SREBF1: variants seen among roughly 807,000 people sequenced by gnomAD.
The protein encoded by SREBF1 is sterol regulatory element-binding protein 1.
A neutral mutation model predicts 100.1 loss-of-function variants in SREBF1; 45 were observed. The ratio of observed to expected loss-of-function variants is 0.45; its 90% confidence interval spans 0.35 to 0.58. SREBF1 has a LOEUF of 0.58. Ranked by LOEUF, SREBF1 falls within the 20% of genes least tolerant of loss-of-function variation. The pLI is 0.00. For synonymous variants in SREBF1, 657 were observed against 681.8 expected (o/e 0.96, Z 0.57); for missense variants, 1,324 against 1,539.4 (o/e 0.86, Z 2.34).
chr17:17,812,489 G>C lies in SREBF1; in HGVS notation c.*133C>G. ...GGGCCTTCCACCGCGAAGGCACACA[G>C]CAGCCGCAGGTCGAACTGTGGAGGC... On this transcript the variant is annotated 3_prime_UTR_variant, in exon 19 of 19. Transcript: ENST00000261646. 2.1e-6 allele frequency: 2 copies of C among 939,144 alleles called. No individual in the cohort carries two copies. The highest frequency in any genetic ancestry group is 3.2e-5 in the South Asian group (2 of 62,282). The allele number at this position is 939,144 out of a possible 1,614,324, so 58.2% of individuals were successfully genotyped here.
At position 17,816,269 on chromosome 17, in the gene SREBF1, T is replaced by A. The variant is rs745341275; in HGVS notation, c.2152A>T (p.Ile718Phe). Reference protein sequence around the residue: ...DAVSVATLAEIYVAAALRVKT... With the variant: ...DAVSVATLAEFYVAAALRVKT... ...ACTCTCAATGCAGCCGCCACATAGA[T>A]CTCGGCCAGCGTCGCCACAGACACG... The change falls in exon 11 of 19, where the codon ATC (isoleucine) becomes TTC (phenylalanine). Residue 718 changes from isoleucine to phenylalanine, a missense_variant. Ile to Phe is a conservative substitution (Grantham distance 21). Coordinates refer to ENST00000261646, the MANE Select transcript of SREBF1 (RefSeq NM_004176.5). The A allele has an allele frequency of 2.2e-6, 3 of 1,343,400 alleles. No homozygotes were observed. The highest frequency in any genetic ancestry group is 3.4e-5 in the East Asian group (1 of 29,482). 83.2% of individuals were successfully genotyped at this position (1,343,400 alleles called of 1,614,324 possible).
chr17:17,813,068 C>CA (rs887342502), intron 18 of SREBF1: 1 of 602,354 alleles, frequency 1.7e-6, no homozygotes, highest in African/African-American at 1.9e-5. Context: ...CCACAAATGA[C>CA]AGTCACCCCA....
intron 1 of SREBF1, among the ~76,000 whole-genome samples, chr17:17,827,246 C>T (rs531610965): frequency 1.0e-3 from 154 of 152,306 alleles, no homozygotes; most frequent in African/African-American, 3.6e-3. Context: ...GCCAAGGACC[C>T]CAATTCTCCA....
intron 1 of SREBF1, among the ~76,000 whole-genome samples, chr17:17,832,614 G>A (rs913650808): frequency 2.0e-5 from 3 of 152,220 alleles, no homozygotes; most frequent in Non-Finnish European, 4.4e-5. Context: ...ACACAGTGAG[G>A]ATCCGGGCAA....
chr17:17,821,935 G>A (rs1228874303), intron 1 of SREBF1, among the ~76,000 whole-genome samples: 1 of 152,254 alleles, frequency 6.6e-6, no homozygotes, highest in Non-Finnish European at 1.5e-5. Context: ...AGCTGAGAGG[G>A]TGATGTGATC....
Position 17,820,258 on chromosome 17 carries a change from CA to C in SREBF1, c.354del (p.Pro120LeufsTer10). The C allele has an allele frequency of 1.2e-6, 2 of 1,613,858 alleles. No homozygotes were observed. Among genetic ancestry groups the C allele is most frequent in the Non-Finnish European group, 8.5e-7 (1 of 1,179,988 alleles). On this transcript the variant is annotated frameshift_variant, in exon 2 of 19. Transcript: ENST00000261646. LOFTEE classifies it high-confidence loss of function. Reference protein sequence around the residue: ...KMYPSMPAFSPGPGIKEESVP... With the variant: ...KMYPSMPAFSXGPGIKEESVP... ...ACTGACTCTTCCTTGATACCAGGCC[CA>C]GGGGAGAAAGCGGGCATGGACGGGT... is the stretch of plus-strand genomic sequence containing the variant.
rs2032853061 is a variant in SREBF1 at position 17,811,625 on chromosome 17, G to T, written c.*997C>A. The T allele has an allele frequency of 4.7e-6, 2 of 428,594 alleles. No homozygotes were observed. The highest frequency in any genetic ancestry group is 2.1e-5 in the African/African-American group (1 of 47,524). The allele number at this position is 428,594 out of a possible 1,614,324, so 26.5% of individuals were successfully genotyped here. A position where few individuals can be genotyped will look rare whatever the true frequency, so the allele number is the denominator to read the frequency against. On this transcript the variant is annotated 3_prime_UTR_variant, in exon 19 of 19. Transcript: ENST00000261646. ...CCCTGTGCCCCCTCTCCAGTGTGGC[G>T]GCAGGTCGGGAGGGAGGAGGCTTCT...
chr17:17,814,314 G>C lies in SREBF1; in HGVS notation c.2832C>G (p.Ile944Met). The C allele has an allele frequency of 1.3e-6, 2 of 1,597,808 alleles. No individual in the cohort carries two copies. The highest frequency in any genetic ancestry group is 1.7e-6 in the Non-Finnish European group (2 of 1,172,778). Residue 944 changes from isoleucine (I) to methionine (M), a missense_variant, in exon 16 of 19, where the codon ATC becomes ATG. Transcript: ENST00000261646. ...GCAGGTACCCACTGGCCTTCTCACA[G>C]ATGGTCAGGCTGGCTGGACCAGACT... is the stretch of plus-strand genomic sequence containing the variant. Reference protein sequence around the residue: ...KAESGPASLTICEKASGYLQD... With the variant: ...KAESGPASLTMCEKASGYLQD...
rs1318636586 is a variant in SREBF1 at position 17,814,827 on chromosome 17, G to A, written c.2602+8C>T. On this transcript the variant is annotated splice_region_variant and intron_variant, in intron 14 of 18. Coordinates refer to ENST00000261646, the MANE Select transcript of SREBF1 (RefSeq NM_004176.5). ...AGAAGGGAGCCAGGACAGGGGCCGG[G>A]GACTCACCGGTGGTGGTGGCCATGC... 1.3e-6 allele frequency: 2 copies of A among 1,599,934 alleles called. No individual in the cohort carries two copies. Among genetic ancestry groups the A allele is most frequent in the African/African-American group, 1.3e-5 (1 of 74,760 alleles).
chr17:17,813,822 C>T (rs1346307843), intron 16 of SREBF1, 53 bp from the exon 17 acceptor site: 24 of 1,512,936 alleles, frequency 1.6e-5, no homozygotes, highest in Non-Finnish European at 2.0e-5. Context: ...CTGGGAGGGG[C>T]AGGATGGGGG....
At position 17,823,617 on chromosome 17, in the gene SREBF1, C is replaced by T. The variant is rs769315699; in HGVS notation, c.92-3096G>A. ...CCCGCGCCGACTTCACCTGTCAAGG[C>T]GCGGCGGATTTTTGAAGCCGTTGAG... On this transcript the variant is annotated intron_variant, in intron 1 of 18. Transcript: ENST00000261646. 8 of 1,606,936 alleles carry T rather than the reference C, an allele frequency of 5.0e-6. No homozygotes were observed. The African/African-American group carries it at 5.4e-5, about 11-fold the overall frequency.
intron 1 of SREBF1, among the ~76,000 whole-genome samples, chr17:17,835,713 C>CA (rs1176533768): frequency 6.6e-6 from 1 of 152,268 alleles, no homozygotes; most frequent in Admixed American, 6.5e-5. Context: ...AAAATGGAAG[C>CA]AACGGGCCTC....
intron 1 of SREBF1, 80 bp downstream of exon 1, chr17:17,836,647 G>T: frequency 7.1e-7 from 1 of 1,416,148 alleles, no homozygotes; most frequent in Non-Finnish European, 9.6e-7. Context: ...CCGTGGGGGA[G>T]ACAAAGGCCA....
At position 17,812,220 on chromosome 17, in the gene SREBF1, G is replaced by A. The variant is rs2032945418; in HGVS notation, c.*402C>T. The A allele has an allele frequency of 2.5e-6, 1 of 394,726 alleles. No individual in the cohort carries two copies. Among genetic ancestry groups the A allele is most frequent in the Non-Finnish European group, 4.7e-6 (1 of 213,950 alleles). The allele number at this position is 394,726 out of a possible 1,614,324, so 24.5% of individuals were successfully genotyped here. ...CACTATGTACACGTCTCTCTCCCAC[G>A]ACGGAGAGAGAGGCCTCTGGGGCAG... is the stretch of plus-strand genomic sequence containing the variant. On this transcript the variant is annotated 3_prime_UTR_variant, in exon 19 of 19. Coordinates refer to ENST00000261646, the MANE Select transcript of SREBF1 (RefSeq NM_004176.5).
chr17:17,819,941 CT>C (rs2033963800), intron 2 of SREBF1, 148 bp downstream of exon 2: 1 of 1,139,486 alleles, frequency 8.8e-7, no homozygotes, highest in Admixed American at 2.8e-5. Flanking sequence ...CACACCAGGA[CT>C]GCTAGTAACA....
chr17:17,818,916 C>T (rs2033863420), intron 5 of SREBF1, 97 bp downstream of exon 5: 1 of 1,406,430 alleles, frequency 7.1e-7, no homozygotes, highest in African/African-American at 1.4e-5. Context: ...CCCTGCTTGT[C>T]CAGGCTCAGT....
chr17:17,833,705 G>A (rs368528000), intron 1 of SREBF1, among the ~76,000 whole-genome samples: 1 of 151,924 alleles, frequency 6.6e-6, no homozygotes, highest in Admixed American at 6.6e-5. Flanking sequence ...GATGAAGGCC[G>A]GGCATGGTGG....
At position 17,817,892 on chromosome 17, in the gene SREBF1, G is replaced by C. The variant is rs1172002471; in HGVS notation, c.1208C>G (p.Ala403Gly). The change falls in exon 7 of 19, where the codon GCC becomes GGC. Residue 403 changes from alanine (A) to glycine (G), a missense_variant. By Grantham distance (60) the Ala-to-Gly change is moderately conservative. Coordinates refer to ENST00000261646, the MANE Select transcript of SREBF1 (RefSeq NM_004176.5). This position sits in a 1 kb window ranked among gnomAD's most constrained non-coding sequence, Gnocchi z 6.6. ...GTCTGTGTTCCCTCCACTGCCACAGGCCGACACCAGATCCTTCAGAGATTC... is the reference window on the plus strand; with the variant it reads ...GTCTGTGTTCCCTCCACTGCCACAGCCCGACACCAGATCCTTCAGAGATTC... ...KSKSLKDLVS[A>G]CGSGGNTDVL... 10 of 1,601,754 alleles carry C rather than the reference G, an allele frequency of 6.2e-6. No homozygotes were observed. The highest frequency in any genetic ancestry group is 1.3e-5 in the African/African-American group (1 of 74,884).
rs1451900313 is a variant in SREBF1, at chr17:17,817,149, G to C, written c.1607-13C>G. On this transcript the variant is annotated splice_polypyrimidine_tract_variant and intron_variant, in intron 8 of 18. Coordinates refer to ENST00000261646, the MANE Select transcript of SREBF1 (RefSeq NM_004176.5). The surrounding 1 kb of genome is among the most constrained non-coding windows in gnomAD (Gnocchi z 6.6). ...CAGCCAGGGCCATCTATGGACAGAG[G>C]GAAAGCTGGGGACACAGCTCCCAGG... is the stretch of plus-strand genomic sequence containing the variant. The C allele has an allele frequency of 2.5e-6, 4 of 1,613,060 alleles. No homozygotes were observed. Among genetic ancestry groups the C allele is most frequent in the Non-Finnish European group, 2.5e-6 (3 of 1,179,882 alleles).
Sources: allele counts gnomAD v4.1 joint callset (sites outside exome capture counted in the v4.1 genomes callset), GRCh38; gene constraint gnomAD v4.1.1; non-coding constraint Gnocchi (gnomAD v3.1); transcripts MANE v1.5; gene names NCBI Gene and HGNC (gene_info 2026-07-23, HGNC 2026-07-21).